Variants in GALNT17 observed in about 807,000 individuals in gnomAD.
GALNT17 encodes the protein UDP-GalNAc:polypeptide N-acetylgalactosaminyltransferase-like 3.
Under a neutral mutation model 63.7 loss-of-function variants are expected in GALNT17, and 29 were observed. That is an observed-to-expected ratio of 0.46 (90% CI 0.34 to 0.62). The LOEUF (loss-of-function observed/expected upper bound fraction) is 0.62. GALNT17 is among the 20% of genes least tolerant of loss of function. The probability of loss-of-function intolerance (pLI) is 0.01; values close to 1 mark genes in which losing one functional copy is unlikely to be tolerated. For missense variants in GALNT17, 603 were observed against 799.6 expected (o/e 0.75, Z 2.97); for synonymous variants, 305 against 318.3 (o/e 0.96, Z 0.45).
chr7:71,624,614 G>C (rs982031753), intron 6 of GALNT17, among the ~76,000 whole-genome samples: 1 of 152,086 alleles, frequency 6.6e-6, no homozygotes, highest in Non-Finnish European at 1.5e-5. Flanking sequence ...TAAAAATGAT[G>C]GATGACCCCA....
intron 1 of GALNT17, among the ~76,000 whole-genome samples, chr7:71,163,943 C>G (rs4719080): frequency 0.12 from 18,915 of 152,138 alleles, 1,861 homozygotes; most frequent in African/African-American, 0.27. Context: ...TTACAAGAAT[C>G]AGAAAGTACT....
At chr7:71,551,534 A>G (rs1364688214) in intron 5 of GALNT17, among the ~76,000 whole-genome samples, 1 of 152,032 alleles carries the variant, frequency 6.6e-6, no homozygotes, top group Non-Finnish European at 1.5e-5. Context: ...GGTGTTAGAG[A>G]TGTTAGCTAC....
intron 1 of GALNT17, among the ~76,000 whole-genome samples, chr7:71,133,553 A>G (rs182372557): frequency 4.6e-5 from 7 of 152,254 alleles, no homozygotes; most frequent in Admixed American, 4.6e-4. Context: ...TCATCTGTCT[A>G]TGAGGCGAGC....
At chr7:71,590,946 A>C (rs1156690047) in intron 6 of GALNT17, among the ~76,000 whole-genome samples, 1 of 152,216 alleles carries the variant, frequency 6.6e-6, no homozygotes, top group Non-Finnish European at 1.5e-5. Flanking sequence ...TTTTTAGTAC[A>C]GACAGGGTTT....
At chr7:71,470,862 A>T (rs1787616410) in intron 5 of GALNT17, among the ~76,000 whole-genome samples, 1 of 152,018 alleles carries the variant, frequency 6.6e-6, no homozygotes, top group Non-Finnish European at 1.5e-5. Context: ...TTTCATGCAA[A>T]TTCATTAAAT....
At chr7:71,157,952 C>T (rs1157805362) in intron 1 of GALNT17, among the ~76,000 whole-genome samples, 1 of 151,548 alleles carries the variant, frequency 6.6e-6, no homozygotes, top group East Asian at 1.9e-4. Flanking sequence ...GCAAATGACA[C>T]GATTTCATCA....
chr7:71,506,988 G>A (rs537236126), intron 5 of GALNT17, among the ~76,000 whole-genome samples: 129 of 152,332 alleles, frequency 8.5e-4, no homozygotes, highest in Non-Finnish European at 1.6e-3. Context: ...TAATCCCAGC[G>A]TTTTGGGAGG....
chr7:71,376,601 C>T (rs569354286), intron 2 of GALNT17, among the ~76,000 whole-genome samples: 1 of 151,334 alleles, frequency 6.6e-6, no homozygotes, highest in Non-Finnish European at 1.5e-5. Context: ...CTTTTCTTCC[C>T]TTTTAGAGAA....
intron 6 of GALNT17, among the ~76,000 whole-genome samples, chr7:71,624,397 C>T (rs927811318): frequency 1.3e-5 from 2 of 152,030 alleles, no homozygotes; most frequent in Non-Finnish European, 2.9e-5. Flanking sequence ...GAGGCCGGTG[C>T]GTTCATGGGG....
intron 6 of GALNT17, among the ~76,000 whole-genome samples, chr7:71,587,818 A>T (rs1364450538): frequency 6.6e-6 from 1 of 152,220 alleles, no homozygotes; most frequent in Non-Finnish European, 1.5e-5. Flanking sequence ...GCCGGGAAAA[A>T]TACTCATAAT....
chr7:71,213,834 T>C (rs994427128), intron 1 of GALNT17, among the ~76,000 whole-genome samples: 5 of 152,212 alleles, frequency 3.3e-5, no homozygotes, highest in Admixed American at 6.5e-5. Flanking sequence ...CCTAATGCTT[T>C]CTTTTTTGTC....
intron 5 of GALNT17, among the ~76,000 whole-genome samples, chr7:71,567,649 G>T (rs1789371654): frequency 6.6e-6 from 1 of 152,160 alleles, no homozygotes; most frequent in Admixed American, 6.5e-5. Flanking sequence ...ATCTTTAGTA[G>T]AGACGGGGTG....
At chr7:71,460,747 G>A (rs534032981) in intron 5 of GALNT17, among the ~76,000 whole-genome samples, 1 of 152,296 alleles carries the variant, frequency 6.6e-6, no homozygotes, top group East Asian at 1.9e-4. Context: ...AAACAAGGGG[G>A]TGGATCATTC....
At chr7:71,316,426 A>G (rs1386491839) in intron 1 of GALNT17, among the ~76,000 whole-genome samples, 3 of 152,214 alleles carry the variant, frequency 2.0e-5, no homozygotes, top group African/African-American at 7.2e-5. Flanking sequence ...ATCATTAACC[A>G]GCATAGTATT....
chr7:71,569,529 A>G (rs1051054674), intron 5 of GALNT17, among the ~76,000 whole-genome samples: 14 of 152,054 alleles, frequency 9.2e-5, no homozygotes, highest in African/African-American at 3.4e-4. Context: ...AGCGAATGGT[A>G]TTTGATTTTC....
intron 1 of GALNT17, among the ~76,000 whole-genome samples, chr7:71,334,856 G>A (rs893403705): frequency 1.1e-4 from 17 of 152,124 alleles, no homozygotes; most frequent in African/African-American, 4.1e-4. Flanking sequence ...TTAAACTCAA[G>A]ATAAAAATCA....
chr7:71,139,017 G>A (rs1787838030), intron 1 of GALNT17, among the ~76,000 whole-genome samples: 1 of 152,140 alleles, frequency 6.6e-6, no homozygotes, highest in Non-Finnish European at 1.5e-5. Context: ...CCTAGAGACA[G>A]ACGGATTTCT....
chr7:71,526,823 T>C (rs991848694), intron 5 of GALNT17, among the ~76,000 whole-genome samples: 1 of 152,172 alleles, frequency 6.6e-6, no homozygotes. Context: ...CAATTACGTG[T>C]GATTTAAATC....
At chr7:71,257,279 G>C (rs778789009) in intron 1 of GALNT17, among the ~76,000 whole-genome samples, 1 of 152,092 alleles carries the variant, frequency 6.6e-6, no homozygotes, top group Non-Finnish European at 1.5e-5. Flanking sequence ...TAAAAGGAAT[G>C]ATAAAAAGTA....
Sources: gnomAD v4.1 joint callset for allele counts (sites outside exome capture counted in the v4.1 genomes callset) on GRCh38, gnomAD v4.1.1 for gene constraint, MANE v1.5 for transcripts, NCBI Gene and HGNC (gene_info 2026-07-23, HGNC 2026-07-21) for gene names.